Variants in ANKRD18B observed in about 807,000 individuals in gnomAD.
The protein encoded by ANKRD18B is ankyrin repeat domain 18B.
A neutral mutation model predicts 111.8 loss-of-function variants in ANKRD18B; 75 were observed. That is an observed-to-expected ratio of 0.67 (90% CI 0.56 to 0.81). ANKRD18B has a LOEUF of 0.81. Ranked by LOEUF, ANKRD18B falls within the 40% of genes least tolerant of loss-of-function variation. The pLI, the probability that ANKRD18B is intolerant of heterozygous loss-of-function variation, is 0.00. For missense variants in ANKRD18B, 1,038 were observed against 1,225.5 expected, an observed-to-expected ratio of 0.85 and a Z score of 2.28; for synonymous variants, 356 against 417.3, an observed-to-expected ratio of 0.85 and a Z score of 1.79.
At chr9:33,574,544 C>T (rs1194522884), downstream of ANKRD18B, 1 of 152,642 alleles carries the variant, frequency 6.6e-6, no homozygotes, top group Non-Finnish European at 1.5e-5. Flanking sequence ...GCCCTCTCTG[C>T]TCTGCTCGGC....
chr9:33,568,859 A>C lies in ANKRD18B; in HGVS notation c.3143A>C (p.Gln1048Pro). 6.4e-7 allele frequency: 1 copy of C among 1,551,280 alleles called. No individual in the cohort carries two copies. Among genetic ancestry groups the C allele is most frequent in the Non-Finnish European group, 8.7e-7 (1 of 1,146,732 alleles). The stretch of plus-strand genomic sequence containing the variant: ...ATAAGAATTCCTACTTCAAACCCAC[A>C]GACTTCAAATAACTGCAAGAACTCC... The part of the protein sequence containing the change: ...MAIRIPTSNP[Q>P]TSNNCKNSLT... The change falls in exon 17 of 19, where the codon CAG becomes CCG. Residue 1048 changes from glutamine to proline, a missense_variant. Transcript: ENST00000684830.
At chr9:33,541,262 T>C (rs1406338124) in intron 9 of ANKRD18B, 35 bp downstream of exon 9, 1 of 1,526,820 alleles carries the variant, frequency 6.5e-7, no homozygotes, top group Non-Finnish European at 8.8e-7. Context: ...CTTAACCATG[T>C]AAAGAGACTG....
At chr9:33,538,198 A>C (rs1828227915) in intron 6 of ANKRD18B, among the ~76,000 whole-genome samples, 1 of 152,210 alleles carries the variant, frequency 6.6e-6, no homozygotes, top group Non-Finnish European at 1.5e-5. Flanking sequence ...CATAAAACTG[A>C]GCTAATGTGC....
chr9:33,526,653 A>C (rs970213266), intron 1 of ANKRD18B, among the ~76,000 whole-genome samples: 1 of 148,820 alleles, frequency 6.7e-6, no homozygotes, highest in Non-Finnish European at 1.5e-5. Flanking sequence ...ATTTTTTATC[A>C]TTATTGTGAG....
rs375250906 is a variant in ANKRD18B, at chr9:33,558,964, C to T, written c.2460+777C>T. Among the ~76,000 whole-genome samples the T allele has an allele frequency of 4.5e-4, 68 of 152,206 alleles. 1 individual carries two copies. The South Asian group carries it at 0.014, about 32-fold the overall frequency. On this transcript the variant is annotated intron_variant, in intron 14 of 18. Coordinates refer to ENST00000684830, the MANE Select transcript of ANKRD18B (RefSeq NM_001393611.1). ...AATATGAGGAAGGCATACATTGGCTCAGCCTAAAAGTGGGACATCAAAAAG... is the reference window on the plus strand; with the variant it reads ...AATATGAGGAAGGCATACATTGGCTTAGCCTAAAAGTGGGACATCAAAAAG...
At chr9:33,530,968 A>G (rs1386694890) in intron 3 of ANKRD18B, among the ~76,000 whole-genome samples, 1 of 152,218 alleles carries the variant, frequency 6.6e-6, no homozygotes, top group South Asian at 2.1e-4. Flanking sequence ...CAGTTAGATC[A>G]GTAGCAAATC....
intron 4 of ANKRD18B, 33 bp from the exon 5 acceptor site, chr9:33,534,337 T>C: frequency 1.3e-6 from 2 of 1,509,554 alleles, no homozygotes; most frequent in Non-Finnish European, 8.8e-7. Flanking sequence ...TTTATCAAAG[T>C]TCTTGAGTGC....
chr9:33,534,583 T>C (rs1431664856), intron 5 of ANKRD18B, 76 bp downstream of exon 5: 63 of 1,427,526 alleles, frequency 4.4e-5, no homozygotes, highest in Non-Finnish European at 5.6e-5. Context: ...ATCTTATACA[T>C]TAGGTGACAG....
intron 12 of ANKRD18B, among the ~76,000 whole-genome samples, chr9:33,554,501 A>G (rs1332266190): frequency 6.6e-6 from 1 of 152,152 alleles, no homozygotes; most frequent in East Asian, 1.9e-4. Context: ...GTTCTGAGAG[A>G]ATTTAAAAAG....
Position 33,534,475 on chromosome 9 carries a change from C to T in ANKRD18B, c.708C>T (p.Ala236=), listed in dbSNP as rs201424663. ...ISSQDMFGQT[A]EDYAFCCDLR... ...CTCAAGACATGTTTGGCCAAACTGC[C>T]GAGGATTATGCTTTTTGTTGTGATT... The change falls in exon 5 of 19, where the codon GCC becomes GCT. Residue 236 remains alanine (A), a synonymous_variant. Coordinates refer to ENST00000684830, the MANE Select transcript of ANKRD18B (RefSeq NM_001393611.1). The T allele has an allele frequency of 6.3e-4, 970 of 1,548,846 alleles. 7 individuals are homozygous for T. Among genetic ancestry groups the T allele is most frequent in the Non-Finnish European group, 1.3e-4 (151 of 1,146,234 alleles).
intron 13 of ANKRD18B, among the ~76,000 whole-genome samples, chr9:33,556,408 T>C (rs140590752): frequency 0.083 from 12,482 of 151,028 alleles, 538 homozygotes; most frequent in South Asian, 0.096. Flanking sequence ...TGATTACAGG[T>C]GTGCACCACC....
intron 11 of ANKRD18B, among the ~76,000 whole-genome samples, chr9:33,550,081 G>T (rs925937769): frequency 7.2e-5 from 11 of 152,126 alleles, no homozygotes; most frequent in Middle Eastern, 3.2e-3. Context: ...GTTACCTAGG[G>T]CCTTGAAGGC....
rs565909937 is a variant in ANKRD18B, at chr9:33,532,452, T to C, written c.496-987T>C. 5.3e-5 allele frequency among the ~76,000 whole-genome samples: 8 copies of C among 152,342 alleles called. No individual in the cohort carries two copies. The East Asian group carries it at 1.5e-3, about 29-fold the overall frequency. On this transcript the variant is annotated intron_variant, in intron 3 of 18. Coordinates refer to ENST00000684830, the MANE Select transcript of ANKRD18B (RefSeq NM_001393611.1). ...AAGTTGCATTAATGTCCCAGGATTA[T>C]CATTATAATTGAGAATAGAATTTCT...
intron 12 of ANKRD18B, among the ~76,000 whole-genome samples, chr9:33,552,470 A>C (rs1177217603): frequency 6.6e-6 from 1 of 152,178 alleles, no homozygotes; most frequent in Non-Finnish European, 1.5e-5. Flanking sequence ...AGAAGACTTG[A>C]TTTAGCAATA....
At chr9:33,559,130 T>C (rs568986750) in intron 14 of ANKRD18B, among the ~76,000 whole-genome samples, 264 of 152,312 alleles carry the variant, frequency 1.7e-3, no homozygotes, top group African/African-American at 5.9e-3. Context: ...AAGGTTCTTA[T>C]TATGTAGATG....
intron 12 of ANKRD18B, among the ~76,000 whole-genome samples, chr9:33,551,941 C>T (rs1216557199): frequency 6.6e-6 from 1 of 152,148 alleles, no homozygotes; most frequent in East Asian, 1.9e-4. Context: ...GCACTTGTTG[C>T]CCAGTCTGCA....
rs1228934427 is a variant in ANKRD18B at position 33,524,392 on chromosome 9, G to T, written c.-98G>T. ...ATTTAGGGGTGGATCGCTGGGTGGG[G>T]AGGGGGATCTCGAATTTGGAGCTGG... On this transcript the variant is annotated 5_prime_UTR_variant, in exon 1 of 19. Transcript: ENST00000684830. 5.0e-6 allele frequency: 7 copies of T among 1,397,542 alleles called. No homozygotes were observed. The highest frequency in any genetic ancestry group is 6.7e-6 in the Non-Finnish European group (7 of 1,050,388). The allele number at this position is 1,397,542 out of a possible 1,614,324, so 86.6% of individuals were successfully genotyped here.
chr9:33,538,432 A>G (rs1334665824), intron 6 of ANKRD18B, among the ~76,000 whole-genome samples: 2 of 152,098 alleles, frequency 1.3e-5, no homozygotes, highest in Non-Finnish European at 2.9e-5. Context: ...TAGTAATTTT[A>G]TTGGAACAAG....
chr9:33,541,670 C>T (rs1401060646), intron 9 of ANKRD18B, among the ~76,000 whole-genome samples: 1 of 152,088 alleles, frequency 6.6e-6, no homozygotes, highest in Non-Finnish European at 1.5e-5. Flanking sequence ...TATACTGTAG[C>T]CTGGGTGGCA....
Sources: gnomAD v4.1 joint callset for allele counts (sites outside exome capture counted in the v4.1 genomes callset) on GRCh38, gnomAD v4.1.1 for gene constraint, MANE v1.5 for transcripts, NCBI Gene and HGNC (gene_info 2026-07-23, HGNC 2026-07-21) for gene names.